SIPA1L1: variants seen among roughly 807,000 people sequenced by gnomAD.
SIPA1L1 encodes the protein signal induced proliferation associated 1 like 1.
SIPA1L1 carries 26 observed loss-of-function variants against 162.7 expected under a neutral mutation model. That is an observed-to-expected ratio of 0.16 (90% CI 0.12 to 0.22). The LOEUF is 0.22. Ranked by LOEUF, SIPA1L1 falls within the 10% of genes least tolerant of loss-of-function variation. SIPA1L1 has a pLI of 1.00. For missense variants in SIPA1L1, 1,874 were observed against 2,241.0 expected (o/e 0.84, Z 3.31); for synonymous variants, 829 against 837.4 (o/e 0.99, Z 0.17).
rs546826697 is a variant in SIPA1L1, at chr14:71,657,387, A to C, written c.1994-946A>C. On this transcript the variant is annotated intron_variant, in intron 8 of 23. Coordinates refer to ENST00000381232, the MANE Select transcript of SIPA1L1 (RefSeq NM_001386936.1). ...AAAAAATTGGGTTGATAGAGGGTTGAGTTTACCTACAGTGAATGTACTTCT... is the reference window on the plus strand; with the variant it reads ...AAAAAATTGGGTTGATAGAGGGTTGCGTTTACCTACAGTGAATGTACTTCT... Among the ~76,000 whole-genome samples the C allele has an allele frequency of 3.1e-4, 46 of 150,470 alleles. 1 individual carries two copies. In the South Asian group the frequency reaches 9.2e-3, roughly 30 times the overall value.
chr14:71,419,687 C>T (rs1362374256), intron 2 of SIPA1L1, among the ~76,000 whole-genome samples: 3 of 151,222 alleles, frequency 2.0e-5, no homozygotes, highest in Admixed American at 1.3e-4. Context: ...TTAGTAGAGA[C>T]GGGGTTTCAC....
chr14:71,566,161 G>A (rs559099615), intron 4 of SIPA1L1, among the ~76,000 whole-genome samples: 3 of 151,740 alleles, frequency 2.0e-5, no homozygotes, highest in Non-Finnish European at 2.9e-5. Context: ...CACCAGTAAC[G>A]GTATATTAGA....
chr14:71,569,496 C>T (rs1596181853), intron 4 of SIPA1L1, among the ~76,000 whole-genome samples: 3 of 152,240 alleles, frequency 2.0e-5, no homozygotes, highest in East Asian at 3.9e-4. Flanking sequence ...GGCAGTCAGA[C>T]GGGAAGTGGA....
rs1032375810 is a variant in SIPA1L1 at position 71,626,720 on chromosome 14, C to A, written c.1818+2484C>A. Among the ~76,000 whole-genome samples, 4 of 152,250 alleles carry A rather than the reference C, an allele frequency of 2.6e-5. No individual in the cohort carries two copies. The East Asian group carries it at 7.7e-4, about 29-fold the overall frequency. ...TAGTGTGATACAAGGAAACTGGACT[C>A]ATCAGAAGGAGCTTTAAATCTCTTT... On this transcript the variant is annotated intron_variant, in intron 7 of 23. Transcript: ENST00000381232.
At chr14:71,331,549 A>G (rs925577003) in intron 2 of SIPA1L1, among the ~76,000 whole-genome samples, 2 of 152,202 alleles carry the variant, frequency 1.3e-5, no homozygotes, top group Non-Finnish European at 2.9e-5. Flanking sequence ...TACAGAGTCC[A>G]GTGGCTTGGG....
chr14:71,448,040 T>C (rs895535303), intron 2 of SIPA1L1, among the ~76,000 whole-genome samples: 1 of 152,206 alleles, frequency 6.6e-6, no homozygotes. Flanking sequence ...AGATATTTTC[T>C]TGTGGCTTCC....
At chr14:71,452,494 T>G (rs971671875) in intron 2 of SIPA1L1, among the ~76,000 whole-genome samples, 19 of 152,200 alleles carry the variant, frequency 1.2e-4, no homozygotes, top group Admixed American at 1.0e-3. Context: ...TTTATACTTG[T>G]TTTTGCTTTT....
chr14:71,512,807 G>C lies in SIPA1L1; in HGVS notation c.-400G>C, dbSNP rs181511835. The C allele has an allele frequency of 6.6e-6, 1 of 152,490 alleles. No homozygotes were observed. The highest frequency in any genetic ancestry group is 2.4e-5 in the African/African-American group (1 of 41,486). The allele number at this position is 152,490 out of a possible 1,614,324, so 9.4% of individuals were successfully genotyped here. A position where few individuals can be genotyped will look rare whatever the true frequency, so the allele number is the denominator to read the frequency against. On this transcript the variant is annotated 5_prime_UTR_variant, in exon 3 of 24. Transcript: ENST00000381232. ...CCTTTTAAAGGTCTGATCATCAATT[G>C]TCTCTCTGGGCGGCCACCTATGAGA...
At chr14:71,486,275 T>A (rs1053681121) in intron 2 of SIPA1L1, among the ~76,000 whole-genome samples, 6 of 152,242 alleles carry the variant, frequency 3.9e-5, no homozygotes, top group African/African-American at 1.4e-4. Context: ...AGGGTTCGAT[T>A]TTCTGTGGGG....
chr14:71,338,493 G>A (rs1032781596), intron 2 of SIPA1L1, among the ~76,000 whole-genome samples: 1 of 152,130 alleles, frequency 6.6e-6, no homozygotes, highest in African/African-American at 2.4e-5. Context: ...ATCATTTCTG[G>A]ACAGGGTCAT....
In SIPA1L1 at chr14:71,391,306, C is replaced by T. The variant is rs111763179; in HGVS notation, c.-465+70125C>T. Among the ~76,000 whole-genome samples, 90 of 152,054 alleles carry T rather than the reference C, an allele frequency of 5.9e-4. 2 individuals carry two copies. Among genetic ancestry groups the T allele is most frequent in the African/African-American group, 2.0e-3 (83 of 41,474 alleles). On this transcript the variant is annotated intron_variant, in intron 2 of 23. Coordinates refer to ENST00000381232, the MANE Select transcript of SIPA1L1 (RefSeq NM_001386936.1). The stretch of plus-strand genomic sequence containing the variant: ...ATTTTTAGTAGAGATGGGGTTTCAC[C>T]GTGTTAGCCAGGATGGTCTCGATCT...
intron 4 of SIPA1L1, among the ~76,000 whole-genome samples, chr14:71,538,366 A>G (rs976928606): frequency 3.3e-5 from 5 of 152,106 alleles, no homozygotes; most frequent in Non-Finnish European, 5.9e-5. Flanking sequence ...GGAGTCCTCT[A>G]GAGGTGGTAT....
At chr14:71,603,224 A>C (rs1393055849) in intron 5 of SIPA1L1, among the ~76,000 whole-genome samples, 1 of 151,882 alleles carries the variant, frequency 6.6e-6, no homozygotes, top group Non-Finnish European at 1.5e-5. Context: ...TGTAGTTTGT[A>C]TGTTTCTTCA....
rs774625645 is a variant in SIPA1L1, at chr14:71,671,152, C to G, written c.2289C>G (p.Ser763=). The change falls in exon 11 of 24, where the codon TCC becomes TCG. Residue 763 remains serine, a synonymous_variant. Transcript: ENST00000381232. The part of the protein sequence containing the change: ...VAVTRSRDVP[S]FGPPIPKGVT... ...TTACCAGGTCCAGAGATGTGCCTTC[C>G]TTTGGGCCTCCCATTCCTAAAGGGG... is the stretch of plus-strand genomic sequence containing the variant. The G allele has an allele frequency of 1.9e-6, 3 of 1,612,536 alleles. No homozygotes were observed. The East Asian group carries it at 6.7e-5, about 36-fold the overall frequency.
chr14:71,573,830 GTGTTGTTTTGATTTGTATGCCTT>G (rs2032540834), intron 4 of SIPA1L1: 1 of 399,340 alleles, frequency 2.5e-6, no homozygotes, highest in African/African-American at 2.1e-5. Flanking sequence ...AATGTGTATA[GTGTTGTTTTGATTTGTATGCCTT>G]TGATGCTTAT....
chr14:71,396,352 G>A (rs924560034), intron 2 of SIPA1L1, among the ~76,000 whole-genome samples: 1 of 152,126 alleles, frequency 6.6e-6, no homozygotes, highest in African/African-American at 2.4e-5. Flanking sequence ...GTTCACTTGG[G>A]TTTCTCAGCC....
chr14:71,709,437 G>T lies in SIPA1L1; in HGVS notation c.3981G>T (p.Ser1327=). 1 of 1,614,170 alleles carries T rather than the reference G, an allele frequency of 6.2e-7. No homozygotes were observed. ...GSTASLGAAT[S]SPRSGPGKEK... is the part of the protein sequence containing the mutation. ...CAGCCTCGCTGGGGGCTGCCACATC[G>T]TCACCTCGCTCAGGGCCAGGCAAGG... The change falls in exon 17 of 24, where the codon TCG becomes TCT. Residue 1327 remains serine (S), a synonymous_variant. Coordinates refer to ENST00000381232, the MANE Select transcript of SIPA1L1 (RefSeq NM_001386936.1).
intron 2 of SIPA1L1, among the ~76,000 whole-genome samples, chr14:71,434,504 T>A (rs1478341596): frequency 6.6e-6 from 1 of 152,228 alleles, no homozygotes; most frequent in Non-Finnish European, 1.5e-5. Flanking sequence ...AGATTTCACC[T>A]GTTTTTCTGT....
intron 2 of SIPA1L1, among the ~76,000 whole-genome samples, chr14:71,372,505 G>A (rs1460149270): frequency 2.0e-5 from 3 of 151,978 alleles, no homozygotes; most frequent in East Asian, 1.9e-4. Flanking sequence ...CTACATTTAC[G>A]TTTTCAGTAC....
Sources: gnomAD v4.1 joint callset for allele counts (sites outside exome capture counted in the v4.1 genomes callset) on GRCh38, gnomAD v4.1.1 for gene constraint, MANE v1.5 for transcripts, NCBI Gene and HGNC (gene_info 2026-07-23, HGNC 2026-07-21) for gene names.